The following SLC5A11 variants were observed in gnomAD, a reference collection of about 807,000 sequenced individuals.
The protein encoded by SLC5A11 is sodium/myo-inositol cotransporter 2.
In SLC5A11, 48 loss-of-function variants were observed where a neutral mutation model predicts 69.8. The ratio of observed to expected loss-of-function variants is 0.69; its 90% confidence interval spans 0.55 to 0.87. The LOEUF is 0.87. Among genes scored for constraint, SLC5A11 ranks in the 40% least tolerant of loss-of-function variants. The probability of loss-of-function intolerance (pLI) is 0.00; values close to 1 mark genes in which losing one functional copy is unlikely to be tolerated. For missense variants in SLC5A11, 784 were observed against 866.1 expected (o/e 0.91, Z 1.19); for synonymous variants, 319 against 342.4 (o/e 0.93, Z 0.75).
At chr16:24,846,182 C>G (rs1234860785) in exon 1 of SLC5A11, 2 of 152,560 alleles carry the variant, frequency 1.3e-5, no homozygotes, top group African/African-American at 4.8e-5. Context: ...GCCCCGTTCT[C>G]TCTTCTGCCC....
intron 2 of SLC5A11, among the ~76,000 whole-genome samples, chr16:24,860,451 C>A (rs911083029): frequency 6.6e-6 from 1 of 151,932 alleles, no homozygotes; most frequent in Non-Finnish European, 1.5e-5. Context: ...AGTGAAAATC[C>A]GTCTCAAAAA....
At chr16:24,894,887 T>A (rs12927614) in intron 9 of SLC5A11, among the ~76,000 whole-genome samples, 31,392 of 152,044 alleles carry the variant, frequency 0.21, 3,798 homozygotes, top group South Asian at 0.42. Flanking sequence ...TGGGAGGCTG[T>A]GAGAAGACGA....
intron 9 of SLC5A11, among the ~76,000 whole-genome samples, chr16:24,891,646 G>A (rs1030148837): frequency 1.3e-5 from 2 of 152,076 alleles, no homozygotes; most frequent in Admixed American, 6.6e-5. Flanking sequence ...CTTAATGTAT[G>A]AGAATATCCA....
At chr16:24,898,042 A>G (rs772012438) in exon 10 of SLC5A11, 1 of 1,614,174 alleles carries the variant, frequency 6.2e-7, no homozygotes, top group South Asian at 1.1e-5. Context: ...TGATGGCTGC[A>G]TACCTGAAGG....
Position 24,862,563 on chromosome 16 carries a change from A to G in SLC5A11, c.136-38A>G, listed in dbSNP as rs370704823. Reference sequence around the variant, plus strand: ...CATTTTGAGATGCCTCTGATTGCTAACGTCTTCCCTCACCCACCTCTCTTC... The same window carrying G: ...CATTTTGAGATGCCTCTGATTGCTAGCGTCTTCCCTCACCCACCTCTCTTC... On this transcript the variant is annotated intron_variant, in intron 2 of 15. Coordinates refer to ENST00000347898, the Ensembl canonical transcript of SLC5A11. 1.5e-5 allele frequency: 23 copies of G among 1,584,218 alleles called. No individual in the cohort carries two copies. The African/African-American group carries it at 2.9e-4, about 20-fold the overall frequency.
At chr16:24,896,406 G>A (rs2049169721) in intron 9 of SLC5A11, among the ~76,000 whole-genome samples, 1 of 151,680 alleles carries the variant, frequency 6.6e-6, no homozygotes. Context: ...GAGGCAGGAG[G>A]ATCATTTGAG....
At chr16:24,905,283 A>AC (rs965397177) in intron 10 of SLC5A11, among the ~76,000 whole-genome samples, 3 of 94,190 alleles carry the variant, frequency 3.2e-5, no homozygotes, top group African/African-American at 1.1e-4. Context: ...AAAAAAAAAA[A>AC]AAAAAAAAAA....
chr16:24,880,938 TC>T lies in SLC5A11; in HGVS notation c.584-3112del, dbSNP rs1361356667. On this transcript the variant is annotated intron_variant, in intron 7 of 15. Transcript: ENST00000347898. ...AGCTGTTCTGGCCGGGCACAGTGGC[TC>T]ACACCTGTAATCCCAGGACTTTGGG... is the stretch of plus-strand genomic sequence containing the variant. 2.0e-5 allele frequency among the ~76,000 whole-genome samples: 3 copies of T among 152,018 alleles called. No homozygotes were observed. The East Asian group carries it at 5.8e-4, about 29-fold the overall frequency.
At chr16:24,850,702 T>C (rs2059263223) in intron 1 of SLC5A11, among the ~76,000 whole-genome samples, 1 of 152,204 alleles carries the variant, frequency 6.6e-6, no homozygotes, top group Non-Finnish European at 1.5e-5. Flanking sequence ...AGCTTTGTTT[T>C]CCTCACCTGT....
chr16:24,903,613 G>A (rs542141223), intron 10 of SLC5A11, among the ~76,000 whole-genome samples: 99 of 152,186 alleles, frequency 6.5e-4, no homozygotes, highest in African/African-American at 2.3e-3. Context: ...TTATCTTTCT[G>A]TGCCTGGCTT....
intron 1 of SLC5A11, among the ~76,000 whole-genome samples, chr16:24,847,641 C>A (rs555121928): frequency 6.6e-6 from 1 of 152,342 alleles, no homozygotes; most frequent in East Asian, 1.9e-4. Context: ...CAGGCATGAG[C>A]CACTGCACCC....
intron 10 of SLC5A11, among the ~76,000 whole-genome samples, chr16:24,900,413 G>A (rs2049495137): frequency 6.6e-6 from 1 of 152,132 alleles, no homozygotes; most frequent in African/African-American, 2.4e-5. Context: ...AAGGCAAATG[G>A]GGGCACTGTC....
chr16:24,872,677 T>A (rs1232554377), intron 5 of SLC5A11, among the ~76,000 whole-genome samples: 1 of 146,224 alleles, frequency 6.8e-6, no homozygotes, highest in African/African-American at 2.5e-5. Flanking sequence ...CACACCCAGC[T>A]AATTTTTGCA....
chr16:24,901,601 C>G (rs2049597371), intron 10 of SLC5A11, among the ~76,000 whole-genome samples: 2 of 151,428 alleles, frequency 1.3e-5, no homozygotes, highest in African/African-American at 4.9e-5. Flanking sequence ...CAAAGTGAGA[C>G]CTTGTTTAAA....
In SLC5A11 at chr16:24,862,958, T is replaced by TATATATTATATAATATATAATC. The variant is rs1170502649; in HGVS notation, c.207+307_207+308insCATATATTATATAATATATAAT. ...TTATATAAAATATATAACATATAAT[T>TATATATTATATAATATATAATC]ATATATTATATAATATATAATTATA... On this transcript the variant is annotated intron_variant, in intron 3 of 15. Coordinates refer to ENST00000347898, the Ensembl canonical transcript of SLC5A11. Among the ~76,000 whole-genome samples the TATATATTATATAATATATAATC allele has an allele frequency of 6.8e-3, 937 of 138,280 alleles. 10 individuals are homozygous for TATATATTATATAATATATAATC. The highest frequency in any genetic ancestry group is 0.024 in the African/African-American group (876 of 36,668). 90.7% of individuals were successfully genotyped at this position (138,280 alleles called of 152,430 possible). A position where few individuals can be genotyped will look rare whatever the true frequency, so the allele number is the denominator to read the frequency against.
chr16:24,854,108 C>T (rs1596963560), intron 1 of SLC5A11, among the ~76,000 whole-genome samples: 1 of 152,302 alleles, frequency 6.6e-6, no homozygotes, highest in Non-Finnish European at 1.5e-5. Flanking sequence ...TCCCACTGCT[C>T]TCTCGGTGCC....
At chr16:24,875,854 G>A (rs1317802166) in intron 6 of SLC5A11, 123 bp downstream of exon 7, 4 of 798,998 alleles carry the variant, frequency 5.0e-6, no homozygotes, top group South Asian at 1.7e-5. Flanking sequence ...GCTGCAGGGA[G>A]ATTAGAGGAA....
At chr16:24,854,058 C>T (rs2059424123) in intron 1 of SLC5A11, among the ~76,000 whole-genome samples, 1 of 152,092 alleles carries the variant, frequency 6.6e-6, no homozygotes, top group Non-Finnish European at 1.5e-5. Context: ...CTGTGGGCCC[C>T]ACGGCGATGA....
intron 8 of SLC5A11, among the ~76,000 whole-genome samples, chr16:24,890,047 G>A (rs936022113): frequency 6.6e-6 from 1 of 152,112 alleles, no homozygotes; most frequent in Non-Finnish European, 1.5e-5. Context: ...CAGATTAATA[G>A]AAGAAAAGGC....
Sources: gnomAD v4.1 joint callset for allele counts (sites outside exome capture counted in the v4.1 genomes callset) on GRCh38, gnomAD v4.1.1 for gene constraint, MANE v1.5 for transcripts, NCBI Gene and HGNC (gene_info 2026-07-23, HGNC 2026-07-21) for gene names.